ZNF787: variants seen among roughly 807,000 people sequenced by gnomAD.
ZNF787 encodes the protein zinc finger protein 787, also known as TTF-I-interacting peptide 20.
A neutral mutation model predicts 16.9 loss-of-function variants in ZNF787; 7 were observed. The observed-to-expected ratio is 0.42, with a 90% CI of 0.24 to 0.78. The LOEUF (loss-of-function observed/expected upper bound fraction) is 0.78, where lower values mean the gene tolerates loss of function less well. Among genes scored for constraint, ZNF787 ranks in the 30% least tolerant of loss-of-function variants. The pLI is 0.30. For synonymous variants in ZNF787, 345 were observed against 270.9 expected, an observed-to-expected ratio of 1.27 and a Z score of -2.69; for missense variants, 551 against 589.3, an observed-to-expected ratio of 0.94 and a Z score of 0.67.
intron 2 of ZNF787, among the ~76,000 whole-genome samples, chr19:56,096,854 G>A (rs935135038): frequency 3.3e-5 from 5 of 152,160 alleles, no homozygotes; most frequent in African/African-American, 9.7e-5. Context: ...TGTTGGCACC[G>A]CTCCCTCCTC....
intron 2 of ZNF787, among the ~76,000 whole-genome samples, chr19:56,098,986 G>A (rs182674057): frequency 1.5e-3 from 231 of 152,304 alleles, no homozygotes; most frequent in African/African-American, 5.1e-3. Context: ...GCACTGCCTC[G>A]GTGTGGCCAG....
At chr19:56,109,612 G>A (rs996032495) in intron 1 of ZNF787, among the ~76,000 whole-genome samples, 12 of 152,218 alleles carry the variant, frequency 7.9e-5, no homozygotes. Context: ...TAACATTTGT[G>A]GCCGTGCGCA....
At chr19:56,102,950 A>T in intron 2 of ZNF787, 189 bp downstream of exon 2, 1 of 722,498 alleles carries the variant, frequency 1.4e-6, no homozygotes, top group Non-Finnish European at 2.5e-6. Flanking sequence ...ACTTGGAGCC[A>T]CAACACTAGC....
At chr19:56,089,132 G>C in intron 2 of ZNF787, 40 bp from the exon 3 acceptor site, 1 of 1,401,924 alleles carries the variant, frequency 7.1e-7, no homozygotes, top group Middle Eastern at 2.3e-4. Context: ...GTCAAGAGAG[G>C]CAAGGGCTCC....
At chr19:56,118,078 C>T (rs566320398) in intron 1 of ZNF787, among the ~76,000 whole-genome samples, 24 of 152,350 alleles carry the variant, frequency 1.6e-4, no homozygotes, top group Non-Finnish European at 3.2e-4. Flanking sequence ...GGCCTGGGGC[C>T]GCCCCACCTG....
rs777358928 is a variant in ZNF787, at chr19:56,088,287, G to C, written c.885C>G (p.Leu295=). Residue 295 remains leucine (L), a synonymous_variant, in exon 3 of 3, where the codon CTC becomes CTG. Coordinates refer to ENST00000610935, the MANE Select transcript of ZNF787 (RefSeq NM_001002836.4). The surrounding 1 kb of genome is among the most constrained non-coding windows in gnomAD (Gnocchi z 8.6). The part of the protein sequence containing the change: ...CGKGFGHGAG[L]LAHQRAQHGD... ...CGTGCTGGGCCCGCTGGTGCGCCAGGAGCCCGGCCCCGTGCCCGAAGCCCT... is the reference window on the plus strand; with the variant it reads ...CGTGCTGGGCCCGCTGGTGCGCCAGCAGCCCGGCCCCGTGCCCGAAGCCCT... The C allele has an allele frequency of 1.4e-6, 2 of 1,383,446 alleles. No homozygotes were observed. The highest frequency in any genetic ancestry group is 1.9e-6 in the Non-Finnish European group (2 of 1,073,156). 85.7% of individuals were successfully genotyped at this position (1,383,446 alleles called of 1,614,324 possible).
In ZNF787 at chr19:56,087,871, G is replaced by T. The variant is rs8109851; in HGVS notation, c.*152C>A. ...CTAATACGCCCCAGTGCCCCCCCAC[G>T]GACGGCGCAGGGACAGAGGAGGGCG... On this transcript the variant is annotated 3_prime_UTR_variant, in exon 3 of 3. Transcript: ENST00000610935. 8.3e-7 allele frequency: 1 copy of T among 1,210,988 alleles called. No homozygotes were observed. The highest frequency in any genetic ancestry group is 1.0e-6 in the Non-Finnish European group (1 of 961,972). 75.0% of individuals were successfully genotyped at this position (1,210,988 alleles called of 1,614,324 possible). A position where few individuals can be genotyped will look rare whatever the true frequency, so the allele number is the denominator to read the frequency against.
rs1985442609 is a variant in ZNF787, at chr19:56,088,569, C to T, written c.603G>A (p.Pro201=). ...KSLARHLRLH[P]ELSGPGVAAK... ...CCGCCACGCCAGGCCCCGACAGCTC[C>T]GGGTGCAGCCGCAGGTGACGCGCGA... Residue 201 remains proline (P), a synonymous_variant, in exon 3 of 3, where the codon CCG becomes CCA. Coordinates refer to ENST00000610935, the MANE Select transcript of ZNF787 (RefSeq NM_001002836.4). The surrounding 1 kb of genome is among the most constrained non-coding windows in gnomAD (Gnocchi z 8.6). The T allele has an allele frequency of 1.3e-6, 2 of 1,503,228 alleles. No homozygotes were observed. Among genetic ancestry groups the T allele is most frequent in the Non-Finnish European group, 1.8e-6 (2 of 1,133,986 alleles). 93.1% of individuals were successfully genotyped at this position (1,503,228 alleles called of 1,614,324 possible). A position where few individuals can be genotyped will look rare whatever the true frequency, so the allele number is the denominator to read the frequency against.
chr19:56,102,215 A>G (rs766456921), intron 2 of ZNF787: 1 of 152,270 alleles, frequency 6.6e-6, no homozygotes, highest in Non-Finnish European at 1.5e-5. Flanking sequence ...AAGTGTGCCC[A>G]CGCATTTCCG....
rs756045963 is a variant in ZNF787, at chr19:56,088,203, C to A, written c.969G>T (p.Gly323=). ...EEPAHICVEC[G]EGFVQGAALR... is the part of the protein sequence containing the mutation. ...GCGCGGCGCCCTGCACGAAGCCCTC[C>A]CCGCACTCCACGCAGATGTGGGCCG... Residue 323 remains glycine (G), a synonymous_variant, in exon 3 of 3, where the codon GGG becomes GGT. Coordinates refer to ENST00000610935, the MANE Select transcript of ZNF787 (RefSeq NM_001002836.4). The surrounding 1 kb of genome is among the most constrained non-coding windows in gnomAD (Gnocchi z 8.6). The A allele has an allele frequency of 1.4e-5, 22 of 1,534,552 alleles. No homozygotes were observed. The African/African-American group carries it at 3.2e-4, about 22-fold the overall frequency.
chr19:56,099,853 G>A lies in ZNF787; in HGVS notation c.79+3286C>T, dbSNP rs965813540. Reference sequence around the variant, plus strand: ...GCTGGGAGGCAGACGGGGAGACAGTGTGTAGGGCTGGGAGGCTGGACAGGC... The same window carrying A: ...GCTGGGAGGCAGACGGGGAGACAGTATGTAGGGCTGGGAGGCTGGACAGGC... On this transcript the variant is annotated intron_variant, in intron 2 of 2. Coordinates refer to ENST00000610935, the MANE Select transcript of ZNF787 (RefSeq NM_001002836.4). Among the ~76,000 whole-genome samples the A allele has an allele frequency of 3.0e-4, 46 of 152,274 alleles. 1 individual carries two copies. The highest frequency in any genetic ancestry group is 1.1e-3 in the African/African-American group (44 of 41,552).
chr19:56,119,160 T>G (rs1430502595), intron 1 of ZNF787, among the ~76,000 whole-genome samples: 3 of 152,120 alleles, frequency 2.0e-5, no homozygotes, highest in African/African-American at 4.8e-5. Flanking sequence ...AGAAGGGCCT[T>G]GAGATCCCTC....
At chr19:56,116,398 C>T (rs1305003716) in intron 1 of ZNF787, among the ~76,000 whole-genome samples, 5 of 151,848 alleles carry the variant, frequency 3.3e-5, no homozygotes, top group East Asian at 1.9e-4. Context: ...GCCAAGATCA[C>T]GCCACTGCAC....
intron 1 of ZNF787, among the ~76,000 whole-genome samples, chr19:56,110,826 G>T (rs948164884): frequency 5.3e-5 from 8 of 152,182 alleles, no homozygotes; most frequent in Non-Finnish European, 8.8e-5. Context: ...ACAGCAGCCT[G>T]CCCAGAGGCC....
intron 1 of ZNF787, among the ~76,000 whole-genome samples, chr19:56,107,489 G>GT (rs1365033838): frequency 3.0e-5 from 4 of 134,292 alleles, no homozygotes; most frequent in East Asian, 2.0e-4. Context: ...CGGGGTCACC[G>GT]GGAGACACGG....
At chr19:56,104,572 C>A (rs1278440560) in intron 1 of ZNF787, among the ~76,000 whole-genome samples, 2 of 152,038 alleles carry the variant, frequency 1.3e-5, no homozygotes, top group Admixed American at 6.5e-5. Context: ...ACGCACACCA[C>A]CCACCCGTGC....
At chr19:56,093,188 G>C (rs1036183192) in intron 2 of ZNF787, among the ~76,000 whole-genome samples, 2 of 151,606 alleles carry the variant, frequency 1.3e-5, no homozygotes, top group African/African-American at 4.9e-5. Flanking sequence ...TGGCGGAAGT[G>C]GGATATCCCA....
intron 2 of ZNF787, among the ~76,000 whole-genome samples, chr19:56,096,497 G>A (rs1213806247): frequency 3.3e-5 from 5 of 151,808 alleles, no homozygotes; most frequent in Admixed American, 2.0e-4. Context: ...GGTGGATCAC[G>A]AGGGCAGCAA....
At chr19:56,118,668 G>A (rs976559830) in intron 1 of ZNF787, among the ~76,000 whole-genome samples, 1 of 152,200 alleles carries the variant, frequency 6.6e-6, no homozygotes, top group African/African-American at 2.4e-5. Context: ...AGCAAGTGTT[G>A]TCGAATCTGC....
Sources: allele counts gnomAD v4.1 joint callset (sites outside exome capture counted in the v4.1 genomes callset), GRCh38; gene constraint gnomAD v4.1.1; non-coding constraint Gnocchi (gnomAD v3.1); transcripts MANE v1.5; gene names NCBI Gene and HGNC (gene_info 2026-07-23, HGNC 2026-07-21).